ACOX3: variants seen among roughly 807,000 people sequenced by gnomAD.
ACOX3 encodes the protein peroxisomal acyl-coenzyme A oxidase 3.
ACOX3 carries 73 observed loss-of-function variants against 81.5 expected under a neutral mutation model. The observed-to-expected ratio is 0.90, with a 90% CI of 0.74 to 1.09. ACOX3 has a LOEUF of 1.09. ACOX3 is among the 50% of genes least tolerant of loss of function. The probability of loss-of-function intolerance (pLI) is 0.00; values close to 1 mark genes in which losing one functional copy is unlikely to be tolerated. For missense variants in ACOX3, 947 were observed against 928.0 expected, an observed-to-expected ratio of 1.02 and a Z score of -0.27; for synonymous variants, 387 against 375.1, an observed-to-expected ratio of 1.03 and a Z score of -0.37.
chr4:8,412,695 G>A (rs1398957828), intron 5 of ACOX3, among the ~76,000 whole-genome samples: 1 of 152,110 alleles, frequency 6.6e-6, no homozygotes, highest in Non-Finnish European at 1.5e-5. Context: ...AGGAAAGACT[G>A]GCAGGGAGAC....
rs1369164858 is a variant in ACOX3 at position 8,430,378 on chromosome 4, C to T, written c.-15+10270G>A. Among the ~76,000 whole-genome samples the T allele has an allele frequency of 6.6e-6, 1 of 152,154 alleles. No individual in the cohort carries two copies. The highest frequency in any genetic ancestry group is 1.9e-4 in the East Asian group (1 of 5,196). On this transcript the variant is annotated intron_variant, in intron 1 of 17. Coordinates refer to ENST00000356406, the MANE Select transcript of ACOX3 (RefSeq NM_003501.3). The surrounding 1 kb of genome is among the most constrained non-coding windows in gnomAD (Gnocchi z 5.2). ...GAATCCCCAGGAGCAACAAGGATTG[C>T]CTGAAGACAAAGCAATCATGGTCTA...
At chr4:8,401,675 G>T (rs1720390750) in intron 7 of ACOX3, among the ~76,000 whole-genome samples, 1 of 152,182 alleles carries the variant, frequency 6.6e-6, no homozygotes, top group Non-Finnish European at 1.5e-5. Flanking sequence ...ACCTCCATCT[G>T]CCCCTCTAAT....
At chr4:8,404,766 G>A (rs1720750566) in intron 7 of ACOX3, among the ~76,000 whole-genome samples, 1 of 152,142 alleles carries the variant, frequency 6.6e-6, no homozygotes, top group African/African-American at 2.4e-5. Context: ...CTCTCCACCA[G>A]CCTCGCTATG....
At chr4:8,421,180 T>G (rs1164483835) in intron 1 of ACOX3, among the ~76,000 whole-genome samples, 1 of 152,202 alleles carries the variant, frequency 6.6e-6, no homozygotes, top group Non-Finnish European at 1.5e-5. Flanking sequence ...ATTGAACCAC[T>G]TTCACTTGCT....
rs911554896 is a variant in ACOX3 at position 8,406,795 on chromosome 4, A to G, written c.688-752T>C. 6.6e-5 allele frequency among the ~76,000 whole-genome samples: 10 copies of G among 152,340 alleles called. No homozygotes were observed. In the South Asian group the frequency reaches 2.1e-3, roughly 32 times the overall value. The stretch of plus-strand genomic sequence containing the variant: ...CACTAATTTGCTACTGCTATCTAGA[A>G]GGCAGAGCCAGGTGTACAGGATGGA... On this transcript the variant is annotated intron_variant, in intron 6 of 17. Transcript: ENST00000356406. This position sits in a 1 kb window ranked among gnomAD's most constrained non-coding sequence, Gnocchi z 5.6.
chr4:8,426,538 A>C, intron 1 of ACOX3, among the ~76,000 whole-genome samples: 1 of 108,786 alleles, frequency 9.2e-6, no homozygotes, highest in Admixed American at 1.3e-4. Context: ...CTGTTGTCTT[A>C]CCCCCCTTTC....
At position 8,367,083 on chromosome 4, in the gene ACOX3, G is replaced by C. The variant is rs780954865; in HGVS notation, c.1984-3C>G. 12 of 1,613,574 alleles carry C rather than the reference G, an allele frequency of 7.4e-6. No individual in the cohort carries two copies. Among genetic ancestry groups the C allele is most frequent in the Non-Finnish European group, 1.0e-5 (12 of 1,179,700 alleles). ...GCGCCCCAGAGGTTTTTGTAGAGCT[G>C]CAAACAACACGTACACAGCAAGTGA... is the stretch of plus-strand genomic sequence containing the variant. On this transcript the variant is annotated splice_region_variant and splice_polypyrimidine_tract_variant and intron_variant, in intron 17 of 17. Coordinates refer to ENST00000356406, the MANE Select transcript of ACOX3 (RefSeq NM_003501.3).
chr4:8,366,039 G>T (rs1222012684), downstream of ACOX3, among the ~76,000 whole-genome samples: 2 of 152,186 alleles, frequency 1.3e-5, no homozygotes, highest in Non-Finnish European at 2.9e-5. Context: ...GGCCTTCCGT[G>T]CCCTGAGCTG....
Position 8,399,121 on chromosome 4 carries a change from C to A in ACOX3, c.873+435G>T, listed in dbSNP as rs1005321669. On this transcript the variant is annotated intron_variant, in intron 8 of 17. Coordinates refer to ENST00000356406, the MANE Select transcript of ACOX3 (RefSeq NM_003501.3). This position sits in a 1 kb window ranked among gnomAD's most constrained non-coding sequence, Gnocchi z 4.9. ...GATTCCTGAGGGTCATCAGCTATGA[C>A]CTGGGCCATCGCTCCCCAGGACCAC... 2.0e-5 allele frequency among the ~76,000 whole-genome samples: 3 copies of A among 152,200 alleles called. No individual in the cohort carries two copies. Among genetic ancestry groups the A allele is most frequent in the African/African-American group, 7.2e-5 (3 of 41,456 alleles).
chr4:8,415,672 T>C (rs933888109), intron 3 of ACOX3, 94 bp downstream of exon 3: 18 of 1,079,788 alleles, frequency 1.7e-5, no homozygotes, highest in Non-Finnish European at 2.3e-5. Flanking sequence ...CAAACTGGTG[T>C]TTCTCTGCCT....
At chr4:8,439,040 C>G (rs1274076584) in intron 1 of ACOX3, 2 of 152,194 alleles carry the variant, frequency 1.3e-5, no homozygotes, top group Non-Finnish European at 2.9e-5. Context: ...ACTTGTCAAG[C>G]AAGTAAACGT....
chr4:8,389,669 T>C lies in ACOX3; in HGVS notation c.1366A>G (p.Ile456Val). 6.2e-7 allele frequency: 1 copy of C among 1,614,084 alleles called. No individual in the cohort carries two copies. Among genetic ancestry groups the C allele is most frequent in the Non-Finnish European group, 8.5e-7 (1 of 1,180,002 alleles). ...TAGTTGCTTGTCTGCTGCAGCAGGATGTTGTTGTCACCTTCGTATGTGCAG... is the reference window on the plus strand; with the variant it reads ...TAGTTGCTTGTCTGCTGCAGCAGGACGTTGTTGTCACCTTCGTATGTGCAG... ...PNCTYEGDNN[I>V]LLQQTSNYLL... The change falls in exon 12 of 18, where the codon ATC (isoleucine) becomes GTC (valine). Residue 456 changes from isoleucine (I) to valine (V), a missense_variant. Coordinates refer to ENST00000356406, the MANE Select transcript of ACOX3 (RefSeq NM_003501.3). The surrounding 1 kb of genome is among the most constrained non-coding windows in gnomAD (Gnocchi z 5.3).
chr4:8,432,078 A>G lies in ACOX3; in HGVS notation c.-15+8570T>C, dbSNP rs1380587398. Among the ~76,000 whole-genome samples, 1 of 152,150 alleles carries G rather than the reference A, an allele frequency of 6.6e-6. No individual in the cohort carries two copies. Among genetic ancestry groups the G allele is most frequent in the Non-Finnish European group, 1.5e-5 (1 of 68,032 alleles). On this transcript the variant is annotated intron_variant, in intron 1 of 17. Transcript: ENST00000356406. The surrounding 1 kb of genome is among the most constrained non-coding windows in gnomAD (Gnocchi z 6.2). ...TCACAGCTCAGCCACAGTCGTCACC[A>G]CCACCCAGCAGCCACCTCACTTCCC...
At chr4:8,401,992 C>T (rs967844457) in intron 7 of ACOX3, among the ~76,000 whole-genome samples, 2 of 152,210 alleles carry the variant, frequency 1.3e-5, no homozygotes, top group African/African-American at 4.8e-5. Context: ...CCGGGGCTCA[C>T]CCCCCTCCAT....
chr4:8,404,331 T>C (rs1342877064), intron 7 of ACOX3, among the ~76,000 whole-genome samples: 2 of 152,102 alleles, frequency 1.3e-5, no homozygotes, highest in Non-Finnish European at 2.9e-5. Context: ...AGCTCCAACA[T>C]TAACTAGCAG....
chr4:8,390,162 A>AC (rs1475849804), intron 11 of ACOX3, among the ~76,000 whole-genome samples: 1 of 141,896 alleles, frequency 7.0e-6, no homozygotes, highest in Non-Finnish European at 1.5e-5. Flanking sequence ...ACATAGTGAG[A>AC]CCCTATCTCT....
chr4:8,427,731 C>T (rs1407157864), intron 1 of ACOX3, among the ~76,000 whole-genome samples: 3 of 152,214 alleles, frequency 2.0e-5, no homozygotes, highest in Admixed American at 6.5e-5. Flanking sequence ...CCATTGGGAC[C>T]GGCCTGCCAC....
Position 8,407,854 on chromosome 4 carries a change from G to T in ACOX3, c.688-1811C>A, listed in dbSNP as rs1298985324. Among the ~76,000 whole-genome samples, 1 of 152,210 alleles carries T rather than the reference G, an allele frequency of 6.6e-6. No individual in the cohort carries two copies. Among genetic ancestry groups the T allele is most frequent in the South Asian group, 2.1e-4 (1 of 4,834 alleles). On this transcript the variant is annotated intron_variant, in intron 6 of 17. Transcript: ENST00000356406. The surrounding 1 kb of genome is among the most constrained non-coding windows in gnomAD (Gnocchi z 4.6). Reference sequence around the variant, plus strand: ...TTACAGCAGGGATTCCCAACCATGAGACGTGCCACCTTCCCCTTCCCCACC... The same window carrying T: ...TTACAGCAGGGATTCCCAACCATGATACGTGCCACCTTCCCCTTCCCCACC...
chr4:8,381,581 C>T lies in ACOX3; in HGVS notation c.1564G>A (p.Val522Ile). The T allele has an allele frequency of 1.2e-6, 2 of 1,613,924 alleles. No individual in the cohort carries two copies. The highest frequency in any genetic ancestry group is 2.2e-5 in the South Asian group (2 of 91,054). ...AVALAAYKWLVCYLLRETYQK... is the reference protein window; with the variant it reads ...AVALAAYKWLICYLLRETYQK... ...TAAGTCTCTCGGAGCAGGTAGCAAA[C>T]CAGCCACTTGTATGCTGCCAGGGCG... is the stretch of plus-strand genomic sequence containing the variant. Residue 522 changes from valine (V) to isoleucine (I), a missense_variant, in exon 14 of 18, where the codon GTT (valine) becomes ATT (isoleucine). Transcript: ENST00000356406. This position sits in a 1 kb window ranked among gnomAD's most constrained non-coding sequence, Gnocchi z 4.3.
Sources: allele counts gnomAD v4.1 joint callset (sites outside exome capture counted in the v4.1 genomes callset), GRCh38; gene constraint gnomAD v4.1.1; non-coding constraint Gnocchi (gnomAD v3.1); transcripts MANE v1.5; gene names NCBI Gene and HGNC (gene_info 2026-07-23, HGNC 2026-07-21).